Variants in SCNN1B observed in about 807,000 individuals in gnomAD.
The protein encoded by SCNN1B is sodium channel epithelial 1 subunit beta.
A neutral mutation model predicts 65.3 loss-of-function variants in SCNN1B; 46 were observed. The observed-to-expected ratio is 0.70, with a 90% CI of 0.56 to 0.90. SCNN1B has a LOEUF of 0.90. Ranked by LOEUF, SCNN1B falls within the 40% of genes least tolerant of loss-of-function variation. The pLI is 0.00. For synonymous variants in SCNN1B, 349 were observed against 330.6 expected (o/e 1.06, Z -0.60); for missense variants, 751 against 830.5 (o/e 0.90, Z 1.18).
At chr16:23,355,556 G>T (rs1567309167) in intron 4 of SCNN1B, 67 bp downstream of exon 4, 2 of 1,525,050 alleles carry the variant, frequency 1.3e-6, no homozygotes, top group Non-Finnish European at 9.0e-7. Context: ...GTTACGGTTG[G>T]GAGCACAGCC....
chr16:23,303,708 G>T (rs1000532363), intron 1 of SCNN1B, among the ~76,000 whole-genome samples: 3 of 151,110 alleles, frequency 2.0e-5, no homozygotes, highest in Non-Finnish European at 2.9e-5. Flanking sequence ...TTGAGGTCAG[G>T]AGTTTGAGAC....
intron 1 of SCNN1B, among the ~76,000 whole-genome samples, chr16:23,347,927 G>T (rs1443476356): frequency 2.6e-5 from 4 of 152,162 alleles, no homozygotes; most frequent in Non-Finnish European, 4.4e-5. Flanking sequence ...AAAAGAAAAA[G>T]AAAGATTAAT....
At chr16:23,356,631 A>G (rs571491722) in intron 4 of SCNN1B, among the ~76,000 whole-genome samples, 1 of 152,150 alleles carries the variant, frequency 6.6e-6, no homozygotes, top group South Asian at 2.1e-4. Flanking sequence ...CTCTTAAAAA[A>G]AAAAAACAAA....
At chr16:23,337,591 T>G (rs1367282207) in intron 1 of SCNN1B, among the ~76,000 whole-genome samples, 1 of 151,978 alleles carries the variant, frequency 6.6e-6, no homozygotes, top group East Asian at 1.9e-4. Flanking sequence ...TTGACCAGGC[T>G]GGTCTCGAAT....
chr16:23,365,655 G>GT lies in SCNN1B; in HGVS notation c.777-2199dup, dbSNP rs375844376. The stretch of plus-strand genomic sequence containing the variant: ...AGTCACATCTTGGAAGGAGAGGGGG[G>GT]TTGATAGGATTCCACTCTCTGTCCT... On this transcript the variant is annotated intron_variant, in intron 4 of 12. Coordinates refer to ENST00000343070, the MANE Select transcript of SCNN1B (RefSeq NM_000336.3). 4.2e-3 allele frequency among the ~76,000 whole-genome samples: 635 copies of GT among 151,956 alleles called. 5 individuals are homozygous for GT. The highest frequency in any genetic ancestry group is 0.014 in the African/African-American group (581 of 41,462).
chr16:23,305,857 CCCACCCCTCATTCATAA>C, intron 1 of SCNN1B, among the ~76,000 whole-genome samples: 1 of 151,958 alleles, frequency 6.6e-6, no homozygotes, highest in Non-Finnish European at 1.5e-5. Flanking sequence ...CCCTACCTGG[CCCACCCCTCATTCATAA>C]AGAGCAGCTA....
At chr16:23,371,522 G>A in intron 6 of SCNN1B, 60 bp downstream of exon 6, 1 of 1,547,208 alleles carries the variant, frequency 6.5e-7, no homozygotes, top group Non-Finnish European at 8.9e-7. Context: ...CACCTGTCCA[G>A]GGCCAACTGC....
intron 2 of SCNN1B, among the ~76,000 whole-genome samples, chr16:23,291,475 A>AGAGTGTGTGT (rs1239139013): frequency 6.9e-6 from 1 of 145,472 alleles, no homozygotes; most frequent in African/African-American, 2.5e-5. Context: ...TGTGTGTGTA[A>AGAGTGTGTGT]GTGTGTGTGT....
At chr16:23,334,670 C>T (rs1186347385) in intron 1 of SCNN1B, among the ~76,000 whole-genome samples, 2 of 152,228 alleles carry the variant, frequency 1.3e-5, no homozygotes, top group Non-Finnish European at 2.9e-5. Context: ...GCAACCTTCT[C>T]ATTCTAAGTG....
intron 1 of SCNN1B, among the ~76,000 whole-genome samples, chr16:23,321,062 T>G (rs1455266175): frequency 6.6e-6 from 1 of 152,220 alleles, no homozygotes; most frequent in African/African-American, 2.4e-5. Flanking sequence ...TTTATTTTTT[T>G]GAGACAGAGT....
intron 1 of SCNN1B, among the ~76,000 whole-genome samples, chr16:23,333,210 G>T (rs576986768): frequency 2.3e-5 from 2 of 86,152 alleles, no homozygotes; most frequent in Non-Finnish European, 5.0e-5. Context: ...AGGAAGGAAG[G>T]AAGAAAGAAA....
chr16:23,286,755 G>A (rs987584465), intron 2 of SCNN1B, among the ~76,000 whole-genome samples: 1 of 152,134 alleles, frequency 6.6e-6, no homozygotes, highest in Admixed American at 6.6e-5. Context: ...GAGAGAACGG[G>A]AAGGGAAGCT....
chr16:23,377,387 G>A lies in SCNN1B; in HGVS notation c.1404+1G>A. 1 of 1,614,136 alleles carries A rather than the reference G, an allele frequency of 6.2e-7. No homozygotes were observed. The highest frequency in any genetic ancestry group is 1.3e-5 in the African/African-American group (1 of 75,070). ...TGACTGGCCTTCTGAGGCCTCCGAG[G>A]TGAGACAGTTGGGGGCCAAGCTCCT... On this transcript the variant is annotated splice_donor_variant, in intron 10 of 12. Transcript: ENST00000343070. LOFTEE classifies it high-confidence loss of function.
intron 1 of SCNN1B, among the ~76,000 whole-genome samples, chr16:23,312,534 C>G (rs1961367118): frequency 6.6e-6 from 1 of 152,100 alleles, no homozygotes; most frequent in Non-Finnish European, 1.5e-5. Flanking sequence ...GCTCTGATAA[C>G]CTCCAAATGG....
chr16:23,305,579 A>ATATAAATAT (rs1961197633), intron 1 of SCNN1B, among the ~76,000 whole-genome samples: 1 of 22,574 alleles, frequency 4.4e-5, no homozygotes, highest in African/African-American at 9.5e-4. Context: ...TATATATATT[A>ATATAAATAT]TATATATATA....
chr16:23,323,141 T>A (rs1341959005), intron 1 of SCNN1B, among the ~76,000 whole-genome samples: 1 of 151,484 alleles, frequency 6.6e-6, no homozygotes, highest in African/African-American at 2.4e-5. Context: ...GAGGTTGCAG[T>A]GAGCTGAGAT....
chr16:23,354,659 G>C (rs550143408), intron 3 of SCNN1B, among the ~76,000 whole-genome samples: 2 of 152,356 alleles, frequency 1.3e-5, no homozygotes, highest in South Asian at 4.1e-4. Flanking sequence ...CTCCAGGGGA[G>C]CTGCATCTGG....
At chr16:23,293,510 G>A (rs185766365) in intron 2 of SCNN1B, among the ~76,000 whole-genome samples, 168 of 152,298 alleles carry the variant, frequency 1.1e-3, no homozygotes, top group African/African-American at 3.9e-3. Context: ...AGGGGCTGGG[G>A]AATTATTGTT....
chr16:23,297,799 C>T (rs1300576782), upstream of SCNN1B, among the ~76,000 whole-genome samples: 1 of 152,110 alleles, frequency 6.6e-6, no homozygotes, highest in Non-Finnish European at 1.5e-5. Flanking sequence ...TGAATGAAGT[C>T]AACACCCCTA....
Sources: allele counts gnomAD v4.1 joint callset (sites outside exome capture counted in the v4.1 genomes callset), GRCh38; gene constraint gnomAD v4.1.1; transcripts MANE v1.5; gene names NCBI Gene and HGNC (gene_info 2026-07-23, HGNC 2026-07-21).